Variants in SSBP3 observed in about 807,000 individuals in gnomAD.
SSBP3 encodes the protein single stranded DNA binding protein 3.
In SSBP3, 5 loss-of-function variants were observed where a neutral mutation model predicts 69.6. The ratio of observed to expected loss-of-function variants is 0.07; its 90% confidence interval spans 0.04 to 0.15. The LOEUF (loss-of-function observed/expected upper bound fraction) is 0.15, where lower values mean the gene tolerates loss of function less well. Among genes scored for constraint, SSBP3 ranks in the 10% least tolerant of loss-of-function variants. The pLI is 1.00. For synonymous variants in SSBP3, 196 were observed against 193.4 expected, an observed-to-expected ratio of 1.01 and a Z score of -0.11; for missense variants, 312 against 534.0, an observed-to-expected ratio of 0.58 and a Z score of 4.10.
chr1:54,380,845 G>A (rs1378859196), intron 4 of SSBP3, among the ~76,000 whole-genome samples: 1 of 152,090 alleles, frequency 6.6e-6, no homozygotes, highest in Non-Finnish European at 1.5e-5. Context: ...ATTAGGCAGG[G>A]CATGATGGCT....
intron 4 of SSBP3, among the ~76,000 whole-genome samples, chr1:54,337,159 T>G (rs1646521404): frequency 6.6e-6 from 1 of 152,174 alleles, no homozygotes; most frequent in Non-Finnish European, 1.5e-5. Flanking sequence ...CCAGTTGACC[T>G]TCACAGTGGA....
At chr1:54,409,167 G>A (rs1025384711), upstream of SSBP3, among the ~76,000 whole-genome samples, 112 of 152,140 alleles carry the variant, frequency 7.4e-4, 2 homozygotes, top group Non-Finnish European at 1.0e-4. Flanking sequence ...CTTTGGGCCT[G>A]AAGTCTGTCT....
chr1:54,325,711 TG>T (rs1646289518), intron 4 of SSBP3, among the ~76,000 whole-genome samples: 1 of 152,218 alleles, frequency 6.6e-6, no homozygotes, highest in African/African-American at 2.4e-5. Context: ...TAAAATCACA[TG>T]TAAGTAGAAC....
intron 5 of SSBP3, among the ~76,000 whole-genome samples, chr1:54,266,799 T>C (rs1299029656): frequency 1.3e-5 from 2 of 152,212 alleles, no homozygotes; most frequent in Non-Finnish European, 2.9e-5. Flanking sequence ...ACACCTGAAT[T>C]TGGCTGTCAC....
At chr1:54,395,931 G>A (rs1306807996) in intron 4 of SSBP3, among the ~76,000 whole-genome samples, 2 of 152,114 alleles carry the variant, frequency 1.3e-5, no homozygotes, top group Non-Finnish European at 2.9e-5. Context: ...GGTGGCTCAC[G>A]CCTGCAATCC....
exon 10 of SSBP3, chr1:54,243,291 G>A (rs373405412): frequency 2.5e-6 from 4 of 1,614,120 alleles, no homozygotes; most frequent in Non-Finnish European, 3.4e-6. Context: ...TCATGCCGCT[G>A]CCGTAATTCT....
intron 4 of SSBP3, chr1:54,286,366 G>A (rs1176919782): frequency 6.6e-6 from 1 of 152,210 alleles, no homozygotes. Flanking sequence ...GGGTGATGAG[G>A]CCCATTCCAG....
chr1:54,248,967 G>A (rs551520171), intron 9 of SSBP3, among the ~76,000 whole-genome samples: 6 of 152,268 alleles, frequency 3.9e-5, no homozygotes, highest in South Asian at 2.1e-4. Flanking sequence ...TCTCCCTCCC[G>A]CTGGAGACAC....
rs559052838 is a variant in SSBP3, at chr1:54,392,888, T to A, written c.276+8973A>T. On this transcript the variant is annotated intron_variant, in intron 4 of 17. Transcript: ENST00000610401. ...AGCTGGTAACAAACGACTAGGAGAG[T>A]TACAGAGTTAGTTCCTGGGGAAAAA... Among the ~76,000 whole-genome samples, 5 of 152,102 alleles carry A rather than the reference T, an allele frequency of 3.3e-5. No individual in the cohort carries two copies. In the East Asian group the frequency reaches 9.7e-4, roughly 29 times the overall value.
chr1:54,411,561 G>A (rs1242458784), intron 1 of SSBP3, among the ~76,000 whole-genome samples: 2 of 152,050 alleles, frequency 1.3e-5, no homozygotes, highest in Non-Finnish European at 2.9e-5. Flanking sequence ...GTCCGCGGCG[G>A]GAGGATCACT....
At chr1:54,228,544 C>T (rs1300911538) in intron 15 of SSBP3, 67 bp from the exon 16 acceptor site, 2 of 1,598,872 alleles carry the variant, frequency 1.3e-6, no homozygotes, top group Non-Finnish European at 1.7e-6. Flanking sequence ...TCCCCTCGTC[C>T]TGGGCTCCTC....
At chr1:54,250,466 TG>T (rs1270185604) in intron 9 of SSBP3, among the ~76,000 whole-genome samples, 1 of 148,530 alleles carries the variant, frequency 6.7e-6, no homozygotes, top group Non-Finnish European at 1.5e-5. Flanking sequence ...GGGCGGATTC[TG>T]GGATGGAGCA....
intron 14 of SSBP3, chr1:54,238,235 C>T (rs2100615632): frequency 2.1e-6 from 1 of 471,092 alleles, no homozygotes; most frequent in Non-Finnish European, 4.4e-6. Context: ...CCGGGTGTCA[C>T]CTCAGGAACG....
chr1:54,331,178 G>C (rs921113974), intron 4 of SSBP3, among the ~76,000 whole-genome samples: 3 of 152,134 alleles, frequency 2.0e-5, no homozygotes, highest in African/African-American at 7.2e-5. Context: ...AAGAAGCACA[G>C]GTATATGCCT....
chr1:54,305,173 T>C (rs980315042), intron 4 of SSBP3, among the ~76,000 whole-genome samples: 12 of 151,986 alleles, frequency 7.9e-5, no homozygotes, highest in African/African-American at 2.7e-4. Flanking sequence ...CTTTCTTAAC[T>C]AAGTAAGATG....
At chr1:54,349,292 G>A (rs1241338480) in intron 4 of SSBP3, among the ~76,000 whole-genome samples, 1 of 152,212 alleles carries the variant, frequency 6.6e-6, no homozygotes, top group African/African-American at 2.4e-5. Flanking sequence ...ATATTCCTCT[G>A]CTGTTCCCTG....
intron 9 of SSBP3, among the ~76,000 whole-genome samples, chr1:54,248,728 C>T (rs897550551): frequency 1.3e-5 from 2 of 152,182 alleles, no homozygotes; most frequent in Non-Finnish European, 2.9e-5. Context: ...TACATCAATG[C>T]CAGGCTTTCC....
At chr1:54,404,471 G>A (rs947897763) in intron 3 of SSBP3, 105 bp downstream of exon 3, 5 of 1,401,664 alleles carry the variant, frequency 3.6e-6, no homozygotes, top group Non-Finnish European at 5.0e-6. Context: ...GCAACGCAGA[G>A]GGCCACAGGG....
At chr1:54,264,357 A>G (rs1017433959) in intron 5 of SSBP3, among the ~76,000 whole-genome samples, 1 of 152,232 alleles carries the variant, frequency 6.6e-6, no homozygotes, top group Admixed American at 6.5e-5. Flanking sequence ...CCGATTTTTT[A>G]AAGGAGAAAA....
Sources: gnomAD v4.1 joint callset for allele counts (sites outside exome capture counted in the v4.1 genomes callset) on GRCh38, gnomAD v4.1.1 for gene constraint, MANE v1.5 for transcripts, NCBI Gene and HGNC (gene_info 2026-07-23, HGNC 2026-07-21) for gene names.